Variants in MAN1A2 observed in about 807,000 individuals in gnomAD.
MAN1A2 encodes the protein mannosyl-oligosaccharide 1,2-alpha-mannosidase IB.
A neutral mutation model predicts 75.7 loss-of-function variants in MAN1A2; 26 were observed. The observed-to-expected ratio is 0.34, with a 90% CI of 0.25 to 0.48. The LOEUF (loss-of-function observed/expected upper bound fraction) is 0.48, where lower values mean the gene tolerates loss of function less well. Among genes scored for constraint, MAN1A2 ranks in the 20% least tolerant of loss-of-function variants. The pLI is 0.99. For missense variants in MAN1A2, 562 were observed against 775.5 expected, an observed-to-expected ratio of 0.72 and a Z score of 3.27; for synonymous variants, 247 against 264.6, an observed-to-expected ratio of 0.93 and a Z score of 0.65.
chr1:117,501,050 G>A (rs1038692599), intron 11 of MAN1A2, among the ~76,000 whole-genome samples: 2 of 151,768 alleles, frequency 1.3e-5, no homozygotes, highest in African/African-American at 4.8e-5. Flanking sequence ...TTTTGTCATT[G>A]AGGAATACTT....
chr1:117,393,477 T>C (rs1653798988), intron 1 of MAN1A2, among the ~76,000 whole-genome samples: 1 of 143,278 alleles, frequency 7.0e-6, no homozygotes, highest in Non-Finnish European at 1.5e-5. Context: ...GCTTCAACTA[T>C]TTTTTTTTTT....
At chr1:117,470,840 A>G (rs1241547143) in intron 8 of MAN1A2, among the ~76,000 whole-genome samples, 1 of 151,960 alleles carries the variant, frequency 6.6e-6, no homozygotes, top group East Asian at 1.9e-4. Context: ...ATTTAATTGA[A>G]CTGAAATTTA....
At chr1:117,429,656 C>G (rs1281263403) in intron 5 of MAN1A2, among the ~76,000 whole-genome samples, 1 of 96,370 alleles carries the variant, frequency 1.0e-5, no homozygotes, top group East Asian at 3.2e-4. Flanking sequence ...TAGGGGCGGC[C>G]GGGCAGAGGC....
At chr1:117,434,295 G>C (rs1648776950) in intron 5 of MAN1A2, among the ~76,000 whole-genome samples, 1 of 152,006 alleles carries the variant, frequency 6.6e-6, no homozygotes, top group East Asian at 1.9e-4. Context: ...ACCTTACTGA[G>C]GTTAATTTAT....
chr1:117,495,113 A>G (rs1385060738), intron 9 of MAN1A2: 1 of 151,834 alleles, frequency 6.6e-6, no homozygotes, highest in Non-Finnish European at 1.5e-5. Context: ...TTTGAAAGGC[A>G]TGATAACTGC....
chr1:117,460,973 G>A (rs1289115492), intron 7 of MAN1A2, among the ~76,000 whole-genome samples: 1 of 152,094 alleles, frequency 6.6e-6, no homozygotes. Flanking sequence ...CACAGATTAC[G>A]TGATTATTGA....
intron 2 of MAN1A2, among the ~76,000 whole-genome samples, 192 bp from the exon 3 acceptor site, chr1:117,405,357 T>TTCCTGTCATA (rs1647581534): frequency 6.6e-6 from 1 of 152,234 alleles, no homozygotes; most frequent in African/African-American, 2.4e-5. Context: ...GCCCATTTTT[T>TTCCTGTCATA]TCCTGTCATA....
chr1:117,430,214 C>A (rs201790083), intron 5 of MAN1A2, among the ~76,000 whole-genome samples: 24,885 of 88,302 alleles, frequency 0.28, 882 homozygotes, highest in South Asian at 0.36. Context: ...GGGGGCTGAC[C>A]CCCCCACCTC....
At chr1:117,391,762 T>C (rs563226056) in intron 1 of MAN1A2, among the ~76,000 whole-genome samples, 2 of 152,292 alleles carry the variant, frequency 1.3e-5, no homozygotes, top group South Asian at 4.1e-4. Flanking sequence ...AGGTCTAAAA[T>C]CATACACATT....
intron 1 of MAN1A2, 71 bp from the exon 2 acceptor site, chr1:117,402,115 T>C: frequency 2.1e-6 from 3 of 1,432,512 alleles, no homozygotes; most frequent in Non-Finnish European, 1.9e-6. Context: ...GAAACCTTTA[T>C]GTTTTATATT....
At chr1:117,446,204 T>C (rs1270783098) in intron 6 of MAN1A2, among the ~76,000 whole-genome samples, 2 of 151,684 alleles carry the variant, frequency 1.3e-5, no homozygotes, top group African/African-American at 4.8e-5. Flanking sequence ...GAGGCATTTG[T>C]CAATTTTGTT....
At chr1:117,397,463 A>G (rs1158215872) in intron 1 of MAN1A2, among the ~76,000 whole-genome samples, 1 of 152,054 alleles carries the variant, frequency 6.6e-6, no homozygotes, top group Non-Finnish European at 1.5e-5. Flanking sequence ...GCACCTGTGG[A>G]GGAACAACTG....
intron 5 of MAN1A2, among the ~76,000 whole-genome samples, chr1:117,426,719 T>A (rs770114988): frequency 6.6e-6 from 1 of 152,182 alleles, no homozygotes. Context: ...TGAATACTTA[T>A]TGCTTTCATA....
At chr1:117,477,157 A>G (rs1362527881) in intron 8 of MAN1A2, among the ~76,000 whole-genome samples, 1 of 151,996 alleles carries the variant, frequency 6.6e-6, no homozygotes, top group Non-Finnish European at 1.5e-5. Context: ...ATGAACCAAA[A>G]GAAGCCCAGG....
chr1:117,499,234 G>T, intron 10 of MAN1A2, 148 bp from the exon 11 acceptor site: 2 of 457,878 alleles, frequency 4.4e-6, no homozygotes. Flanking sequence ...CTTTTAAAAT[G>T]ACTCATTTTG....
intron 1 of MAN1A2, among the ~76,000 whole-genome samples, chr1:117,387,369 G>A (rs1053369674): frequency 2.6e-5 from 4 of 152,164 alleles, no homozygotes; most frequent in Non-Finnish European, 5.9e-5. Flanking sequence ...GTAGCCAGTA[G>A]TTGTGATTCT....
chr1:117,368,391 T>G lies in MAN1A2; in HGVS notation c.208T>G (p.Leu70Val). 6.2e-7 allele frequency: 1 copy of G among 1,614,108 alleles called. No individual in the cohort carries two copies. Among genetic ancestry groups the G allele is most frequent in the Non-Finnish European group, 8.5e-7 (1 of 1,180,010 alleles). ...AAAACACAAACGCTTTGATTTGGGT[T>G]TAGAAGATGTGTTAATTCCACATGT... ...SSKHKRFDLG[L>V]EDVLIPHVDA... Residue 70 changes from leucine to valine, a missense_variant, in exon 1 of 13, where the codon TTA (leucine) becomes GTA (valine). Physicochemically the swap from Leu to Val is conservative, Grantham distance 32. Transcript: ENST00000356554.
At chr1:117,487,868 AT>A (rs767731675) in intron 8 of MAN1A2, among the ~76,000 whole-genome samples, 1 of 151,944 alleles carries the variant, frequency 6.6e-6, no homozygotes, top group African/African-American at 2.4e-5. Flanking sequence ...AACTTTTATG[AT>A]TTTTTTGTGA....
At position 117,398,323 on chromosome 1, in the gene MAN1A2, G is replaced by A. The variant is rs183419514; in HGVS notation, c.303-3863G>A. Among the ~76,000 whole-genome samples, 6 of 152,222 alleles carry A rather than the reference G, an allele frequency of 3.9e-5. No individual in the cohort carries two copies. In the East Asian group the frequency reaches 1.2e-3, roughly 29 times the overall value. On this transcript the variant is annotated intron_variant, in intron 1 of 12. Coordinates refer to ENST00000356554, the MANE Select transcript of MAN1A2 (RefSeq NM_006699.5). ...AAGAAATTGTAAGAGTGTTTTAAGC[G>A]AGGAAACCTCATGCATATGGGGCTA...
Sources: gnomAD v4.1 joint callset for allele counts (sites outside exome capture counted in the v4.1 genomes callset) on GRCh38, gnomAD v4.1.1 for gene constraint, MANE v1.5 for transcripts, NCBI Gene and HGNC (gene_info 2026-07-23, HGNC 2026-07-21) for gene names.